PARD3B: variants seen among roughly 807,000 people sequenced by gnomAD.
PARD3B encodes par-3 family cell polarity regulator beta.
In PARD3B, 103 loss-of-function variants were observed where a neutral mutation model predicts 130.2. The observed-to-expected ratio is 0.79, with a 90% confidence interval of 0.67 to 0.93. The LOEUF (loss-of-function observed/expected upper bound fraction) is 0.93. Among genes scored for constraint, PARD3B ranks in the 40% least tolerant of loss-of-function variants. The pLI is 0.00. For synonymous variants in PARD3B, 583 were observed against 553.2 expected, an observed-to-expected ratio of 1.05 and a Z score of -0.76; for missense variants, 1,609 against 1,499.2, an observed-to-expected ratio of 1.07 and a Z score of -1.21.
At chr2:205,249,169 C>T (rs1005558605) in intron 16 of PARD3B, among the ~76,000 whole-genome samples, 19 of 146,520 alleles carry the variant, frequency 1.3e-4, no homozygotes, top group African/African-American at 3.9e-4. Context: ...GTGTGGTGCC[C>T]GGCTAATTTT....
At chr2:204,998,359 TGTGTGTGTGTGTGTGTA>T (rs1694469434) in intron 3 of PARD3B, among the ~76,000 whole-genome samples, 1 of 48,066 alleles carries the variant, frequency 2.1e-5, no homozygotes, top group Non-Finnish European at 3.8e-5. Context: ...TATATATATA[TGTGTGTGTGTGTGTGTA>T]TATATGTGTG....
Position 205,142,594 on chromosome 2 carries a change from A to G in PARD3B, c.1435-16128A>G, listed in dbSNP as rs558956821. Among the ~76,000 whole-genome samples, 132 of 152,238 alleles carry G rather than the reference A, an allele frequency of 8.7e-4. No individual in the cohort carries two copies. The highest frequency in any genetic ancestry group is 1.5e-3 in the Non-Finnish European group (99 of 68,012). On this transcript the variant is annotated intron_variant, in intron 10 of 22. Coordinates refer to ENST00000406610, the MANE Select transcript of PARD3B (RefSeq NM_001302769.2). The surrounding 1 kb of genome is among the most constrained non-coding windows in gnomAD (Gnocchi z 4.3). Reference sequence around the variant, plus strand: ...GTGGTATAGCAGAGTTAAGATAGACAGGCAACCAGGCACAGTGGCTCACGC... The same window carrying G: ...GTGGTATAGCAGAGTTAAGATAGACGGGCAACCAGGCACAGTGGCTCACGC...
chr2:205,038,035 G>A (rs1698132112), intron 3 of PARD3B, among the ~76,000 whole-genome samples: 1 of 152,094 alleles, frequency 6.6e-6, no homozygotes, highest in Non-Finnish European at 1.5e-5. Context: ...AAGTGGGACA[G>A]GATTACAACT....
chr2:204,726,536 A>G (rs2039235538), intron 2 of PARD3B, among the ~76,000 whole-genome samples: 1 of 152,158 alleles, frequency 6.6e-6, no homozygotes, highest in African/African-American at 2.4e-5. Flanking sequence ...AGCCCCAGTG[A>G]AGCCCCAACC....
intron 2 of PARD3B, among the ~76,000 whole-genome samples, chr2:204,961,808 A>G (rs1031450857): frequency 2.0e-5 from 3 of 152,174 alleles, no homozygotes; most frequent in East Asian, 1.9e-4. Context: ...AAGTAAAGCC[A>G]GAGAAGCACC....
chr2:205,012,770 T>C (rs1695819866), intron 3 of PARD3B, among the ~76,000 whole-genome samples: 1 of 152,226 alleles, frequency 6.6e-6, no homozygotes, highest in South Asian at 2.1e-4. Flanking sequence ...TTTCTTACAT[T>C]GTTGGAATCA....
chr2:205,526,786 T>C (rs1156685514), intron 21 of PARD3B, among the ~76,000 whole-genome samples: 1 of 152,236 alleles, frequency 6.6e-6, no homozygotes, highest in African/African-American at 2.4e-5. Context: ...ACGCTTAAGG[T>C]ATGCAATGGC....
At chr2:205,565,289 A>G (rs2053281207) in intron 22 of PARD3B, among the ~76,000 whole-genome samples, 1 of 152,224 alleles carries the variant, frequency 6.6e-6, no homozygotes, top group South Asian at 2.1e-4. Context: ...AATTTGCCAC[A>G]GTGAAGTTTT....
intron 1 of PARD3B, among the ~76,000 whole-genome samples, chr2:204,605,222 G>A (rs2033667313): frequency 6.6e-6 from 1 of 152,136 alleles, no homozygotes; most frequent in South Asian, 2.1e-4. Context: ...AATTCAAGGA[G>A]AGGGGAATTA....
chr2:205,540,116 T>C (rs576651403), intron 21 of PARD3B, among the ~76,000 whole-genome samples: 32 of 152,292 alleles, frequency 2.1e-4, no homozygotes, highest in Non-Finnish European at 3.4e-4. Context: ...TACATCCATG[T>C]CTTGGCTCAT....
intron 18 of PARD3B, among the ~76,000 whole-genome samples, chr2:205,357,016 A>G (rs981361566): frequency 6.6e-6 from 1 of 152,146 alleles, no homozygotes; most frequent in Non-Finnish European, 1.5e-5. Flanking sequence ...TCTCATTTGC[A>G]TAATAATTGT....
At chr2:204,749,217 G>T (rs1259202903) in intron 2 of PARD3B, among the ~76,000 whole-genome samples, 1 of 151,960 alleles carries the variant, frequency 6.6e-6, no homozygotes, top group African/African-American at 2.4e-5. Flanking sequence ...TTCTTGATTA[G>T]TTACAATGCT....
At chr2:205,582,494 G>T (rs2054024004) in intron 22 of PARD3B, among the ~76,000 whole-genome samples, 1 of 152,154 alleles carries the variant, frequency 6.6e-6, no homozygotes, top group African/African-American at 2.4e-5. Context: ...GGAAGTAGCT[G>T]GAAGCTGTGT....
At chr2:204,733,131 C>T (rs371055107) in intron 2 of PARD3B, among the ~76,000 whole-genome samples, 4 of 151,808 alleles carry the variant, frequency 2.6e-5, no homozygotes, top group Admixed American at 2.0e-4. Context: ...ATGGCACTTG[C>T]ACTGGTAAAA....
chr2:204,926,682 T>C (rs1687647972), intron 2 of PARD3B, among the ~76,000 whole-genome samples: 1 of 152,106 alleles, frequency 6.6e-6, no homozygotes, highest in South Asian at 2.1e-4. Flanking sequence ...TTTCCTCAGT[T>C]AATATTCTGT....
chr2:205,608,987 A>AC (rs1377690324), intron 22 of PARD3B, among the ~76,000 whole-genome samples: 2 of 152,080 alleles, frequency 1.3e-5, no homozygotes, highest in African/African-American at 4.8e-5. Context: ...AAAGAACAAG[A>AC]CCCCCCTCTT....
At chr2:205,350,181 G>A (rs1157696852) in intron 18 of PARD3B, among the ~76,000 whole-genome samples, 1 of 152,196 alleles carries the variant, frequency 6.6e-6, no homozygotes, top group African/African-American at 2.4e-5. Flanking sequence ...GCAAACATGT[G>A]TTGAACATTA....
intron 1 of PARD3B, among the ~76,000 whole-genome samples, chr2:204,640,893 G>A (rs1225607299): frequency 6.7e-6 from 1 of 148,192 alleles, no homozygotes; most frequent in East Asian, 1.9e-4. Context: ...AAATTTATAA[G>A]TATCTATATT....
At chr2:205,414,892 A>G (rs2046722462) in intron 19 of PARD3B, among the ~76,000 whole-genome samples, 2 of 152,122 alleles carry the variant, frequency 1.3e-5, no homozygotes. Flanking sequence ...AAAAAAAGTA[A>G]AATTTTAGCT....
Sources: gnomAD v4.1 joint callset for allele counts (sites outside exome capture counted in the v4.1 genomes callset) on GRCh38, gnomAD v4.1.1 for gene constraint, Gnocchi (gnomAD v3.1) non-coding constraint, MANE v1.5 for transcripts, NCBI Gene and HGNC (gene_info 2026-07-23, HGNC 2026-07-21) for gene names.